CUL4B: variants seen among roughly 807,000 people sequenced by gnomAD.
CUL4B encodes the protein cullin 4B.
In CUL4B, 1 loss-of-function variant was observed where a neutral mutation model predicts 69.2. The observed-to-expected ratio is 0.01, with a 90% CI of 0.01 to 0.07. The LOEUF is 0.07. CUL4B is among the 10% of genes least tolerant of loss of function. The pLI, the probability that CUL4B is intolerant of heterozygous loss-of-function variation, is 1.00. For missense variants in CUL4B, 328 were observed against 638.8 expected (o/e 0.51, Z 5.24); for synonymous variants, 237 against 223.2 (o/e 1.06, Z -0.55).
intron 10 of CUL4B, among the ~76,000 whole-genome samples, chrX:120,541,051 C>T (rs889104653): frequency 3.6e-5 from 4 of 112,393 alleles, no homozygotes; most frequent in Admixed American, 9.4e-5. Flanking sequence ...GGTTCAAAGT[C>T]TTTTTCTACA....
intron 1 of CUL4B, among the ~76,000 whole-genome samples, chrX:120,559,021 A>T (rs921655360): frequency 3.6e-5 from 4 of 111,309 alleles, no homozygotes; most frequent in African/African-American, 9.8e-5. Flanking sequence ...ATAAAAAAGA[A>T]AGGGTTAAAA....
intron 19 of CUL4B, among the ~76,000 whole-genome samples, chrX:120,529,694 T>C (rs907947871): frequency 8.9e-6 from 1 of 111,740 alleles, no homozygotes. Context: ...TGATCTCTTA[T>C]ATAAGCTAAC....
At chrX:120,574,764 A>G (rs190012893) in intron 1 of CUL4B, 74 of 569,578 alleles carry the variant, frequency 1.3e-4, no homozygotes, top group Non-Finnish European at 2.0e-4. Flanking sequence ...AATTATCAAA[A>G]TTTTGGTCTG....
chrX:120,542,340 C>T (rs1924043209), intron 9 of CUL4B, among the ~76,000 whole-genome samples: 1 of 110,952 alleles, frequency 9.0e-6, no homozygotes, highest in Non-Finnish European at 1.9e-5. Flanking sequence ...ATTTGATTTC[C>T]AGGATGAAAT....
downstream of CUL4B, among the ~76,000 whole-genome samples, chrX:120,569,340 T>C (rs1388506018): frequency 9.1e-6 from 1 of 110,030 alleles, no homozygotes; most frequent in East Asian, 2.8e-4. Flanking sequence ...TTTTAAATTA[T>C]CACTCACCTT....
intron 2 of CUL4B, among the ~76,000 whole-genome samples, chrX:120,552,448 T>A (rs919461540): frequency 3.7e-4 from 42 of 112,646 alleles, no homozygotes; most frequent in African/African-American, 1.3e-3. Flanking sequence ...GCACCCAGCC[T>A]TACAAGTCTT....
At chrX:120,527,553 G>A (rs1299137821) in intron 19 of CUL4B, among the ~76,000 whole-genome samples, 1 of 110,840 alleles carries the variant, frequency 9.0e-6, no homozygotes, top group Non-Finnish European at 1.9e-5. Flanking sequence ...ACCATGCCTG[G>A]TCCTGACTTT....
At chrX:120,561,381 C>G, upstream of CUL4B, 1 of 564,387 alleles carries the variant, frequency 1.8e-6, no homozygotes, top group South Asian at 2.3e-5. Flanking sequence ...CCGGAAGTGA[C>G]TGGGCAGACA....
chrX:120,575,091 G>A (rs1333562229), intron 1 of CUL4B, among the ~76,000 whole-genome samples: 2 of 111,947 alleles, frequency 1.8e-5, no homozygotes, highest in Admixed American at 1.9e-4. Context: ...TGCTATGGTT[G>A]TTGAAGGCCA....
rs1449103140 is a variant in CUL4B, at chrX:120,560,945, G to C, written c.-307C>G. 1.3e-6 allele frequency: 1 copy of C among 750,939 alleles called. No homozygotes were observed. Among genetic ancestry groups the C allele is most frequent in the East Asian group, 1.5e-4 (1 of 6,466 alleles). The allele number at this position is 750,939 out of a possible 1,213,427, so 61.9% of individuals were successfully genotyped here. ...GATCTCTCTCCCCCCCTTTCTGCAG[G>C]AGCGACTCAGCGAGTCTGTGAGGCT... On this transcript the variant is annotated 5_prime_UTR_variant, in exon 1 of 20. Transcript: ENST00000371322.
intron 2 of CUL4B, among the ~76,000 whole-genome samples, chrX:120,549,453 G>A (rs1204039926): frequency 8.9e-6 from 1 of 111,776 alleles, no homozygotes; most frequent in Middle Eastern, 4.2e-3. Context: ...TGAGGCAGGA[G>A]AATCTCATCA....
At chrX:120,572,747 C>A (rs2147359271) in intron 2 of CUL4B, among the ~76,000 whole-genome samples, 1 of 111,612 alleles carries the variant, frequency 9.0e-6, no homozygotes, top group Non-Finnish European at 1.9e-5. Context: ...TCACTACACA[C>A]AGATCTACCT....
rs971295886 is a variant in CUL4B at position 120,532,233 on chromosome X, T to C, written c.2439+189A>G. ...GTAAGATATGAAACTATGTTGAGTA[T>C]CATCTCAATCCTGTACAACCACTCT... On this transcript the variant is annotated intron_variant, in intron 18 of 19. Coordinates refer to ENST00000371322, the MANE Select transcript of CUL4B (RefSeq NM_001079872.2). 2.5e-5 allele frequency: 10 copies of C among 400,008 alleles called. No homozygotes were observed. The Admixed American group carries it at 4.3e-4, about 17-fold the overall frequency. The allele number at this position is 400,008 out of a possible 1,213,427, so 33.0% of individuals were successfully genotyped here.
At chrX:120,540,295 G>A in intron 11 of CUL4B, 75 bp downstream of exon 11, 1 of 990,339 alleles carries the variant, frequency 1.0e-6, no homozygotes, top group Non-Finnish European at 1.4e-6. Context: ...CTACAACCTG[G>A]TAAAAATTTC....
At chrX:120,567,110 C>G (rs1485223726), downstream of CUL4B, among the ~76,000 whole-genome samples, 3 of 99,621 alleles carry the variant, frequency 3.0e-5, no homozygotes, top group Non-Finnish European at 6.0e-5. Context: ...CAGACAAGGC[C>G]AATTTAGATT....
chrX:120,560,335 GC>G lies in CUL4B; in HGVS notation c.303del (p.Arg102ValfsTer9), dbSNP rs778479810. 4 of 1,208,669 alleles carry G rather than the reference GC, an allele frequency of 3.3e-6. No individual in the cohort carries two copies. In the African/African-American group the frequency reaches 7.0e-5, roughly 21 times the overall value. ...ACAAACTCCAGGGTGTCTTCAAAAC[GC>G]AGCTTCTTCTGTATCGGTACGTGGC... ...ASSHVPIQKK[L>X]RFEDTLEFVG... On this transcript the variant is annotated frameshift_variant, in exon 1 of 20. Coordinates refer to ENST00000371322, the MANE Select transcript of CUL4B (RefSeq NM_001079872.2). LOFTEE classifies it high-confidence loss of function.
intron 19 of CUL4B, 108 bp downstream of exon 19, chrX:120,529,990 TTCTC>T (rs1206265877): frequency 1.2e-6 from 1 of 834,662 alleles, no homozygotes; most frequent in Non-Finnish European, 1.7e-6. Flanking sequence ...ATTAAAACTT[TTCTC>T]TCTCTAAATG....
chrX:120,555,348 T>C (rs959378648), intron 2 of CUL4B, among the ~76,000 whole-genome samples: 3 of 112,207 alleles, frequency 2.7e-5, no homozygotes, highest in African/African-American at 9.7e-5. Context: ...AAATATGCTG[T>C]ATACCAGCAT....
chrX:120,533,095 A>T (rs1042213195), intron 17 of CUL4B, among the ~76,000 whole-genome samples: 3 of 112,376 alleles, frequency 2.7e-5, no homozygotes, highest in Non-Finnish European at 5.6e-5. Flanking sequence ...GTCAGTGGTG[A>T]TACCACTAAC....
Sources: gnomAD v4.1 joint callset for allele counts (sites outside exome capture counted in the v4.1 genomes callset) on GRCh38, gnomAD v4.1.1 for gene constraint, MANE v1.5 for transcripts, NCBI Gene and HGNC (gene_info 2026-07-23, HGNC 2026-07-21) for gene names.